The following DLGAP1 variants were observed in gnomAD, a reference collection of about 807,000 sequenced individuals.
The protein encoded by DLGAP1 is disks large-associated protein 1.
DLGAP1 carries 11 observed loss-of-function variants against 90.8 expected under a neutral mutation model. The ratio of observed to expected loss-of-function variants is 0.12; its 90% CI spans 0.08 to 0.20. DLGAP1 has a LOEUF of 0.20. DLGAP1 is among the 10% of genes least tolerant of loss of function. The pLI is 1.00. For synonymous variants in DLGAP1, 558 were observed against 540.7 expected (o/e 1.03, Z -0.44); for missense variants, 1,050 against 1,333.8 (o/e 0.79, Z 3.31).
chr18:3,533,553 A>T (rs1002210736), intron 10 of DLGAP1, among the ~76,000 whole-genome samples: 5 of 152,086 alleles, frequency 3.3e-5, no homozygotes, highest in East Asian at 1.9e-4. Context: ...GTATCTATGG[A>T]CCTTGAAAAA....
chr18:3,829,205 C>A (rs939122148), intron 4 of DLGAP1, among the ~76,000 whole-genome samples: 3 of 152,148 alleles, frequency 2.0e-5, no homozygotes, highest in Admixed American at 6.5e-5. Context: ...GGTTTTCAAA[C>A]ATAAAGTGAG....
chr18:4,151,048 T>C (rs1278635389), intron 2 of DLGAP1, 132 bp downstream of exon 2: 3 of 152,220 alleles, frequency 2.0e-5, no homozygotes, highest in Non-Finnish European at 4.4e-5. Context: ...GTCTGGAAAG[T>C]GTATGCCAGG....
chr18:4,434,734 AG>A (rs1477234440), intron 1 of DLGAP1, among the ~76,000 whole-genome samples: 1 of 152,206 alleles, frequency 6.6e-6, no homozygotes, highest in Non-Finnish European at 1.5e-5. Flanking sequence ...TGGAACCCAG[AG>A]GAGGTGGTAT....
At chr18:3,838,788 T>C (rs1439646330) in intron 4 of DLGAP1, among the ~76,000 whole-genome samples, 1 of 152,248 alleles carries the variant, frequency 6.6e-6, no homozygotes, top group African/African-American at 2.4e-5. Flanking sequence ...AAAATAATTG[T>C]TAATCTTAGA....
At chr18:4,319,144 A>G (rs2080610336) in intron 1 of DLGAP1, among the ~76,000 whole-genome samples, 1 of 152,228 alleles carries the variant, frequency 6.6e-6, no homozygotes, top group African/African-American at 2.4e-5. Context: ...GAGGTAAAAA[A>G]TAAATTAGTT....
intron 7 of DLGAP1, among the ~76,000 whole-genome samples, chr18:3,623,634 G>A (rs1019416162): frequency 3.3e-5 from 5 of 151,992 alleles, no homozygotes; most frequent in Non-Finnish European, 5.9e-5. Context: ...AAAATCAGCC[G>A]GGCGTGGTGG....
intron 5 of DLGAP1, 83 bp from the exon 6 acceptor site, chr18:3,742,595 G>A: frequency 6.7e-7 from 1 of 1,488,522 alleles, no homozygotes; most frequent in Non-Finnish European, 9.2e-7. Flanking sequence ...TGTCATTTAT[G>A]TAGCACCCTA....
rs2063094589 is a variant in DLGAP1 at position 3,742,403 on chromosome 18, A to G, written c.1282T>C (p.Leu428=). The change falls in exon 6 of 13, where the codon TTG becomes CTG. Residue 428 remains leucine (L), a synonymous_variant. Coordinates refer to ENST00000315677, the MANE Select transcript of DLGAP1 (RefSeq NM_004746.4). The stretch of plus-strand genomic sequence containing the variant: ...GAGCGGAACTTTGGTGATGTGAGCA[A>G]GCCTGCAGGGTCCAGGCTGTCCAGG... ...RSLDSLDPAG[L]LTSPKFRSRN... 1.9e-6 allele frequency: 3 copies of G among 1,614,188 alleles called. No homozygotes were observed. The highest frequency in any genetic ancestry group is 1.7e-6 in the Non-Finnish European group (2 of 1,180,022).
At chr18:4,403,163 T>C (rs1598362648) in intron 1 of DLGAP1, among the ~76,000 whole-genome samples, 1 of 152,200 alleles carries the variant, frequency 6.6e-6, no homozygotes, top group East Asian at 1.9e-4. Flanking sequence ...TTATAGGCCC[T>C]ACTGCTGTTT....
chr18:3,930,502 T>C (rs1482381134), intron 3 of DLGAP1, among the ~76,000 whole-genome samples: 1 of 152,160 alleles, frequency 6.6e-6, no homozygotes, highest in East Asian at 1.9e-4. Flanking sequence ...AGGCTGCCCC[T>C]GAGATTGTGC....
chr18:3,556,988 G>C (rs1386944866), intron 9 of DLGAP1, among the ~76,000 whole-genome samples: 4 of 151,900 alleles, frequency 2.6e-5, no homozygotes, highest in Non-Finnish European at 5.9e-5. Flanking sequence ...TCAGAGTCAG[G>C]TTTTGGTTTT....
At chr18:3,702,121 G>A (rs983406177) in intron 7 of DLGAP1, among the ~76,000 whole-genome samples, 11 of 152,000 alleles carry the variant, frequency 7.2e-5, no homozygotes, top group Non-Finnish European at 1.6e-4. Flanking sequence ...GCACAATCTC[G>A]GCTCAATGCA....
At chr18:3,567,070 A>ATTCATTCAT (rs1555682270) in intron 9 of DLGAP1, among the ~76,000 whole-genome samples, 16 of 150,924 alleles carry the variant, frequency 1.1e-4, no homozygotes, top group African/African-American at 3.7e-4. Context: ...TCATTCATTC[A>ATTCATTCAT]TCATTCATTC....
intron 1 of DLGAP1, among the ~76,000 whole-genome samples, chr18:4,443,103 G>A (rs2083576391): frequency 6.6e-6 from 1 of 152,186 alleles, no homozygotes; most frequent in African/African-American, 2.4e-5. Flanking sequence ...ATACATTTCT[G>A]TCTATAACTC....
intron 3 of DLGAP1, among the ~76,000 whole-genome samples, chr18:4,001,791 G>A (rs375200516): frequency 3.3e-5 from 5 of 152,120 alleles, no homozygotes; most frequent in East Asian, 3.9e-4. Flanking sequence ...TGGGGCACAG[G>A]CTCCTCCAGC....
chr18:3,808,115 GT>G (rs1339057732), intron 5 of DLGAP1, among the ~76,000 whole-genome samples: 2 of 152,074 alleles, frequency 1.3e-5, no homozygotes, highest in Non-Finnish European at 2.9e-5. Context: ...TGTATTAGCT[GT>G]TTTTTTCTTT....
intron 1 of DLGAP1, among the ~76,000 whole-genome samples, chr18:4,269,031 G>C (rs1041810384): frequency 6.6e-6 from 1 of 151,976 alleles, no homozygotes; most frequent in East Asian, 1.9e-4. Context: ...GTAAATGTCA[G>C]ATTGATGGAT....
intron 5 of DLGAP1, among the ~76,000 whole-genome samples, chr18:3,758,331 C>T (rs2147880682): frequency 6.6e-6 from 1 of 152,276 alleles, no homozygotes; most frequent in Non-Finnish European, 1.5e-5. Context: ...AAAAAAGTGA[C>T]TTTAAACTCT....
chr18:4,293,935 A>T (rs937619597), intron 1 of DLGAP1: 1 of 152,200 alleles, frequency 6.6e-6, no homozygotes, highest in Non-Finnish European at 1.5e-5. Flanking sequence ...AAAACTTTGT[A>T]TCTTTTAAAC....
Sources: allele counts gnomAD v4.1 joint callset (sites outside exome capture counted in the v4.1 genomes callset), GRCh38; gene constraint gnomAD v4.1.1; transcripts MANE v1.5; gene names NCBI Gene and HGNC (gene_info 2026-07-23, HGNC 2026-07-21).